SMARCC1: variants seen among roughly 807,000 people sequenced by gnomAD.
SMARCC1 encodes SWI/SNF complex subunit SMARCC1.
A neutral mutation model predicts 147.4 loss-of-function variants in SMARCC1; 43 were observed. The observed-to-expected ratio is 0.29, with a 90% CI of 0.23 to 0.38. The LOEUF (loss-of-function observed/expected upper bound fraction) is 0.38, where lower values mean the gene tolerates loss of function less well. SMARCC1 is among the 10% of genes least tolerant of loss of function. SMARCC1 has a pLI of 1.00. For missense variants in SMARCC1, 1,119 were observed against 1,381.1 expected, an observed-to-expected ratio of 0.81 and a Z score of 3.01; for synonymous variants, 495 against 484.4, an observed-to-expected ratio of 1.02 and a Z score of -0.29.
At chr3:47,680,638 C>G in intron 14 of SMARCC1, 130 bp from the exon 15 acceptor site, 1 of 485,368 alleles carries the variant, frequency 2.1e-6, no homozygotes, top group Non-Finnish European at 3.5e-6. Flanking sequence ...AGCTCCGCCT[C>G]CCGGGTTCAC....
rs1026943920 is a variant in SMARCC1 at position 47,729,926 on chromosome 3, T to C, written c.577-832A>G. Among the ~76,000 whole-genome samples, 10 of 152,154 alleles carry C rather than the reference T, an allele frequency of 6.6e-5. No homozygotes were observed. In the East Asian group the frequency reaches 1.7e-3, roughly 26 times the overall value. On this transcript the variant is annotated intron_variant, in intron 5 of 27. Transcript: ENST00000254480. ...ATGGCCAGGTGTGGTGGCTCATGTCTGTAATCCTAGCAATTTGGGAGCCAG... is the reference window on the plus strand; with the variant it reads ...ATGGCCAGGTGTGGTGGCTCATGTCCGTAATCCTAGCAATTTGGGAGCCAG...
At chr3:47,622,647 C>T (rs2032751331) in intron 24 of SMARCC1, among the ~76,000 whole-genome samples, 2 of 152,108 alleles carry the variant, frequency 1.3e-5, no homozygotes, top group Admixed American at 1.3e-4. Flanking sequence ...TACTTTGCCA[C>T]CTACCACCCC....
Position 47,678,309 on chromosome 3 carries a change from T to A in SMARCC1, c.1460A>T (p.Tyr487Phe). Residue 487 changes from tyrosine (Y) to phenylalanine (F), a missense_variant and splice_region_variant, in exon 16 of 28, where the codon TAC becomes TTC. Coordinates refer to ENST00000254480, the MANE Select transcript of SMARCC1 (RefSeq NM_003074.4). The part of the protein sequence containing the change: ...GKNKSKTPEI[Y>F]LAYRNFMIDT... The stretch of plus-strand genomic sequence containing the variant: ...AATCATAAAATTTCGATATGCCAAG[T>A]ATCTAAAAAGCAATGGCAAAATTCA... 4 of 1,564,150 alleles carry A rather than the reference T, an allele frequency of 2.6e-6. No individual in the cohort carries two copies. Among genetic ancestry groups the A allele is most frequent in the Non-Finnish European group, 3.5e-6 (4 of 1,146,002 alleles).
chr3:47,585,404 C>T lies in SMARCC1; in HGVS notation c.*2805G>A, dbSNP rs1184035897. The T allele has an allele frequency of 6.6e-6, 1 of 152,214 alleles. No homozygotes were observed. Among genetic ancestry groups the T allele is most frequent in the Non-Finnish European group, 1.5e-5 (1 of 68,038 alleles). The allele number at this position is 152,214 out of a possible 1,614,324, so 9.4% of individuals were successfully genotyped here. ...ACACCTTCGTGAAGAGCAGGGCGTT[C>T]ATCTCATGGCAGACACAGAATCCTC... On this transcript the variant is annotated 3_prime_UTR_variant, in exon 28 of 28. Coordinates refer to ENST00000254480, the MANE Select transcript of SMARCC1 (RefSeq NM_003074.4).
chr3:47,684,680 T>G (rs149497329), intron 14 of SMARCC1, among the ~76,000 whole-genome samples: 297 of 152,166 alleles, frequency 2.0e-3, no homozygotes, highest in African/African-American at 7.0e-3. Flanking sequence ...TGACCTCAGG[T>G]GATCTGCCCA....
At chr3:47,774,681 T>A (rs905365533) in intron 1 of SMARCC1, among the ~76,000 whole-genome samples, 2 of 152,126 alleles carry the variant, frequency 1.3e-5, no homozygotes, top group African/African-American at 4.8e-5. Context: ...CCTCCCAAAG[T>A]GCTGGGATTA....
intron 21 of SMARCC1, among the ~76,000 whole-genome samples, chr3:47,649,849 A>G (rs2033164111): frequency 6.6e-6 from 1 of 152,318 alleles, no homozygotes; most frequent in African/African-American, 2.4e-5. Context: ...TCTTGAGGGA[A>G]AGGGCTGGTG....
At chr3:47,590,885 A>G in intron 26 of SMARCC1, 48 bp from the exon 27 acceptor site, 1 of 1,503,448 alleles carries the variant, frequency 6.7e-7, no homozygotes. Context: ...AAAGGGGTGT[A>G]AGAAAGGGAT....
At position 47,676,769 on chromosome 3, in the gene SMARCC1, A is replaced by T; in HGVS notation, c.1585T>A (p.Leu529Ile). The change falls in exon 17 of 28, where the codon TTA becomes ATA. Residue 529 changes from leucine (L) to isoleucine (I), a missense_variant. Leu to Ile is a conservative substitution (Grantham distance 5). This residue lies in a region of SMARCC1 where 178 missense variants were observed against 264.6 expected (regional missense o/e 0.67). Transcript: ENST00000254480. ...VCAVMRVHAFLEQWGLVNYQV... is the reference protein window; with the variant it reads ...VCAVMRVHAFIEQWGLVNYQV... ...TAATTAACGAGTCCCCACTGCTCTA[A>T]AAAGGCATGGACCCTAAAGAATAAA... The T allele has an allele frequency of 6.2e-7, 1 of 1,613,502 alleles. No individual in the cohort carries two copies. The highest frequency in any genetic ancestry group is 8.5e-7 in the Non-Finnish European group (1 of 1,179,952).
At chr3:47,631,147 AAG>A (rs2032884845) in intron 24 of SMARCC1, among the ~76,000 whole-genome samples, 1 of 151,960 alleles carries the variant, frequency 6.6e-6, no homozygotes, top group Admixed American at 6.6e-5. Context: ...ATGAAAGAGA[AAG>A]AGAGAAGGAG....
chr3:47,761,659 C>T (rs530879324), intron 2 of SMARCC1, among the ~76,000 whole-genome samples: 2 of 152,270 alleles, frequency 1.3e-5, no homozygotes, highest in African/African-American at 4.8e-5. Flanking sequence ...CTTCCAAGAC[C>T]TATATGCTAA....
chr3:47,680,138 T>C, intron 15 of SMARCC1: 1 of 258,964 alleles, frequency 3.9e-6, no homozygotes, highest in Non-Finnish European at 7.2e-6. Context: ...GGGAGGATCC[T>C]TTGAGTTCAG....
At chr3:47,601,334 A>C (rs2032382536) in intron 26 of SMARCC1, among the ~76,000 whole-genome samples, 2 of 152,210 alleles carry the variant, frequency 1.3e-5, no homozygotes, top group Non-Finnish European at 2.9e-5. Flanking sequence ...GTAGGAAAAG[A>C]AAGTGAATCT....
intron 1 of SMARCC1, among the ~76,000 whole-genome samples, chr3:47,778,456 G>A (rs1327740695): frequency 6.6e-6 from 1 of 151,808 alleles, no homozygotes; most frequent in African/African-American, 2.4e-5. Flanking sequence ...GGGACTACAC[G>A]TGCATGCCAC....
intron 26 of SMARCC1, among the ~76,000 whole-genome samples, chr3:47,596,477 G>C (rs1366643126): frequency 6.6e-6 from 1 of 151,550 alleles, no homozygotes; most frequent in Non-Finnish European, 1.5e-5. Context: ...CTGAGGCAGG[G>C]AATTGCTTGA....
intron 26 of SMARCC1, among the ~76,000 whole-genome samples, chr3:47,591,191 G>C (rs1460620314): frequency 6.6e-6 from 1 of 152,180 alleles, no homozygotes; most frequent in African/African-American, 2.4e-5. Context: ...GCCAAGCACA[G>C]CCCACAGGGA....
chr3:47,750,162 G>A (rs77814471), intron 2 of SMARCC1, among the ~76,000 whole-genome samples: 20 of 151,440 alleles, frequency 1.3e-4, no homozygotes, highest in East Asian at 9.9e-4. Flanking sequence ...TAGGCTGGGC[G>A]CGGTGGCTCA....
intron 2 of SMARCC1, among the ~76,000 whole-genome samples, chr3:47,755,410 T>C (rs2034683821): frequency 1.4e-5 from 2 of 145,480 alleles, no homozygotes; most frequent in Non-Finnish European, 3.0e-5. Flanking sequence ...GGCAGGAGAA[T>C]GGCGTGAACC....
intron 7 of SMARCC1, among the ~76,000 whole-genome samples, chr3:47,716,579 G>C (rs1001984070): frequency 3.3e-5 from 5 of 152,064 alleles, no homozygotes; most frequent in African/African-American, 1.2e-4. Flanking sequence ...CATCTTATTC[G>C]ATACATAAGG....
Sources: gnomAD v4.1 joint callset for allele counts (sites outside exome capture counted in the v4.1 genomes callset) on GRCh38, gnomAD v4.1.1 for gene constraint, gnomAD v4.1.1 regional missense constraint, MANE v1.5 for transcripts, NCBI Gene and HGNC (gene_info 2026-07-23, HGNC 2026-07-21) for gene names.